The following INPP4B variants were observed in gnomAD, a reference collection of about 807,000 sequenced individuals.
INPP4B encodes inositol polyphosphate 4-phosphatase type II.
Under a neutral mutation model 122.5 loss-of-function variants are expected in INPP4B, and 55 were observed. That is an observed-to-expected ratio of 0.45 (90% confidence interval 0.36 to 0.56). The LOEUF (loss-of-function observed/expected upper bound fraction) is 0.56, where lower values mean the gene tolerates loss of function less well. Ranked by LOEUF, INPP4B falls within the 20% of genes least tolerant of loss-of-function variation. The pLI is 0.00. For missense variants in INPP4B, 1,000 were observed against 1,097.7 expected (o/e 0.91, Z 1.26); for synonymous variants, 403 against 388.7 (o/e 1.04, Z -0.43).
At chr4:142,535,752 T>C (rs973118800) in intron 2 of INPP4B, among the ~76,000 whole-genome samples, 7 of 127,798 alleles carry the variant, frequency 5.5e-5, no homozygotes, top group Non-Finnish European at 1.4e-4. Context: ...AATTCAATCA[T>C]CATTCTCTTT....
At chr4:142,395,165 C>G (rs938836392) in intron 7 of INPP4B, among the ~76,000 whole-genome samples, 2 of 151,992 alleles carry the variant, frequency 1.3e-5, no homozygotes, top group African/African-American at 4.8e-5. Flanking sequence ...ACAGAGAGGA[C>G]AGGAACATGA....
chr4:142,082,310 G>A, intron 24 of INPP4B, 125 bp from the exon 25 acceptor site: 1 of 730,296 alleles, frequency 1.4e-6, no homozygotes, highest in Non-Finnish European at 2.1e-6. Context: ...GTTTATGATA[G>A]TCAATTTGTT....
intron 2 of INPP4B, among the ~76,000 whole-genome samples, chr4:142,619,029 C>T (rs1416809202): frequency 6.6e-6 from 1 of 151,870 alleles, no homozygotes; most frequent in Non-Finnish European, 1.5e-5. Context: ...AAATCAACAC[C>T]ACATTGAGAT....
chr4:142,264,875 T>C (rs1287374013), intron 10 of INPP4B, among the ~76,000 whole-genome samples: 1 of 152,132 alleles, frequency 6.6e-6, no homozygotes, highest in Admixed American at 6.5e-5. Context: ...GATGGGGTCT[T>C]AATACTACAG....
intron 1 of INPP4B, among the ~76,000 whole-genome samples, chr4:142,771,807 G>GTT (rs772216764): frequency 2.0e-5 from 3 of 152,094 alleles, no homozygotes; most frequent in Non-Finnish European, 4.4e-5. Flanking sequence ...TACTGAGTCA[G>GTT]TTTTTAATGT....
At chr4:142,745,611 G>C (rs928990725) in intron 1 of INPP4B, among the ~76,000 whole-genome samples, 38 of 151,994 alleles carry the variant, frequency 2.5e-4, no homozygotes, top group Admixed American at 1.3e-3. Flanking sequence ...CTATACGGGA[G>C]ACTTTAGGGG....
intron 10 of INPP4B, among the ~76,000 whole-genome samples, chr4:142,264,556 A>T (rs190193912): frequency 2.0e-5 from 3 of 152,312 alleles, no homozygotes; most frequent in Admixed American, 6.5e-5. Flanking sequence ...AAACAATCTA[A>T]TATGGTAAAT....
intron 1 of INPP4B, among the ~76,000 whole-genome samples, chr4:142,824,278 T>C (rs1781160710): frequency 6.6e-6 from 1 of 150,976 alleles, no homozygotes; most frequent in African/African-American, 2.5e-5. Flanking sequence ...ACTATCTATC[T>C]ATCTGTCTAC....
rs201027220 is a variant in INPP4B, at chr4:142,145,829, T to A, written c.1720+11A>T. On this transcript the variant is annotated intron_variant, in intron 18 of 25. Transcript: ENST00000262992. ...CTCAGTAAATGATTGGGAAAAAAAA[T>A]TATTTCTTACCTCTTGGGTGAGAGG... 7 of 1,610,314 alleles carry A rather than the reference T, an allele frequency of 4.3e-6. No homozygotes were observed. The highest frequency in any genetic ancestry group is 4.5e-5 in the East Asian group (2 of 44,838).
chr4:142,557,084 T>G (rs1316919593), intron 2 of INPP4B, among the ~76,000 whole-genome samples: 1 of 152,110 alleles, frequency 6.6e-6, no homozygotes, highest in Non-Finnish European at 1.5e-5. Flanking sequence ...AGAGATGCTT[T>G]CAAATAGGCT....
At chr4:142,710,242 G>T (rs1350289160) in intron 2 of INPP4B, among the ~76,000 whole-genome samples, 1 of 152,172 alleles carries the variant, frequency 6.6e-6, no homozygotes, top group Non-Finnish European at 1.5e-5. Flanking sequence ...GAGTCTTAAT[G>T]ATACTAGAAT....
At chr4:142,172,064 C>A (rs552901781) in intron 16 of INPP4B, among the ~76,000 whole-genome samples, 56 of 152,022 alleles carry the variant, frequency 3.7e-4, no homozygotes, top group African/African-American at 1.3e-3. Context: ...GCAACAACCT[C>A]CTCTTTTTTC....
At chr4:142,580,415 C>T (rs1734824555) in intron 2 of INPP4B, among the ~76,000 whole-genome samples, 1 of 151,856 alleles carries the variant, frequency 6.6e-6, no homozygotes, top group African/African-American at 2.4e-5. Context: ...TATGTTACTT[C>T]CTGTTTTAAA....
intron 2 of INPP4B, among the ~76,000 whole-genome samples, chr4:142,549,290 T>G (rs1020299249): frequency 6.6e-6 from 1 of 152,102 alleles, no homozygotes; most frequent in African/African-American, 2.4e-5. Context: ...CCTCCCATAC[T>G]GTGCACTGTA....
Position 142,025,056 on chromosome 4 carries a change from A to G in INPP4B, c.*3726T>C, listed in dbSNP as rs1736609274. 6.6e-6 allele frequency: 1 copy of G among 152,106 alleles called. No homozygotes were observed. The highest frequency in any genetic ancestry group is 1.5e-5 in the Non-Finnish European group (1 of 68,008). 9.4% of individuals were successfully genotyped at this position (152,106 alleles called of 1,614,324 possible). A position where few individuals can be genotyped will look rare whatever the true frequency, so the allele number is the denominator to read the frequency against. On this transcript the variant is annotated 3_prime_UTR_variant, in exon 26 of 26. Transcript: ENST00000262992. Reference sequence around the variant, plus strand: ...TTTGATACTTTTTAAATAATTTTATACTGCCTCCAATAATTTATTTCCTAA... The same window carrying G: ...TTTGATACTTTTTAAATAATTTTATGCTGCCTCCAATAATTTATTTCCTAA...
intron 1 of INPP4B, among the ~76,000 whole-genome samples, chr4:142,742,032 A>G (rs1300865204): frequency 6.6e-6 from 1 of 152,168 alleles, no homozygotes; most frequent in South Asian, 2.1e-4. Flanking sequence ...AGAAGCTAGT[A>G]AAACAGTAGA....
At chr4:142,633,146 C>T (rs377458452) in intron 2 of INPP4B, among the ~76,000 whole-genome samples, 63 of 151,666 alleles carry the variant, frequency 4.2e-4, no homozygotes, top group African/African-American at 1.2e-3. Flanking sequence ...AAATTGCTAA[C>T]GACAAAAAGG....
At chr4:142,272,906 G>C (rs559694291) in intron 9 of INPP4B, among the ~76,000 whole-genome samples, 1 of 152,094 alleles carries the variant, frequency 6.6e-6, no homozygotes, top group African/African-American at 2.4e-5. Context: ...GGCAAGCTAA[G>C]TTAGCTTAAT....
At chr4:142,823,401 T>A (rs988580334) in intron 1 of INPP4B, among the ~76,000 whole-genome samples, 6 of 152,072 alleles carry the variant, frequency 3.9e-5, no homozygotes, top group African/African-American at 1.4e-4. Context: ...TGAAATAAAA[T>A]AATAATTCAT....
Sources: gnomAD v4.1 joint callset for allele counts (sites outside exome capture counted in the v4.1 genomes callset) on GRCh38, gnomAD v4.1.1 for gene constraint, MANE v1.5 for transcripts, NCBI Gene and HGNC (gene_info 2026-07-23, HGNC 2026-07-21) for gene names.